The following PER3 variants were observed in gnomAD, a reference collection of about 807,000 sequenced individuals.
The protein encoded by PER3 is period circadian protein homolog 3.
In PER3, 107 loss-of-function variants were observed where a neutral mutation model predicts 127.2. That is an observed-to-expected ratio of 0.84 (90% CI 0.72 to 0.99). The LOEUF (loss-of-function observed/expected upper bound fraction) is 0.99, where lower values mean the gene tolerates loss of function less well. Ranked by LOEUF, PER3 falls within the 50% of genes least tolerant of loss-of-function variation. The probability of loss-of-function intolerance (pLI) is 0.00; values close to 1 mark genes in which losing one functional copy is unlikely to be tolerated. For synonymous variants in PER3, 618 were observed against 585.8 expected (o/e 1.05, Z -0.79); for missense variants, 1,560 against 1,525.8 (o/e 1.02, Z -0.37).
At chr1:7,810,195 T>G in intron 12 of PER3, 174 bp downstream of exon 12, 1 of 692,428 alleles carries the variant, frequency 1.4e-6, no homozygotes, top group Middle Eastern at 3.4e-4. Flanking sequence ...AATATCACCT[T>G]TGGAAAGTGA....
rs539413082 is a variant in PER3, at chr1:7,824,117, A to G, written c.1958-2363A>G. The stretch of plus-strand genomic sequence containing the variant: ...TATAGCATACTAAAATGTATGGGAT[A>G]CAGCTAAAAACGGGGCTTGTAAGAA... On this transcript the variant is annotated intron_variant, in intron 16 of 21. Coordinates refer to ENST00000377532, the MANE Select transcript of PER3 (RefSeq NM_001377275.1). Among the ~76,000 whole-genome samples, 36 of 152,384 alleles carry G rather than the reference A, an allele frequency of 2.4e-4. 1 individual carries two copies. The South Asian group carries it at 7.0e-3, about 30-fold the overall frequency.
intron 3 of PER3, among the ~76,000 whole-genome samples, chr1:7,786,441 T>TC (rs980917692): frequency 4.6e-5 from 7 of 151,912 alleles, no homozygotes; most frequent in South Asian, 2.1e-4. Flanking sequence ...CTGTTTCTGC[T>TC]CCCCCCGCAA....
At chr1:7,828,146 A>G (rs1309746272) in intron 18 of PER3, among the ~76,000 whole-genome samples, 5 of 152,254 alleles carry the variant, frequency 3.3e-5, no homozygotes, top group African/African-American at 1.2e-4. Flanking sequence ...TTCATTGCCT[A>G]TAACACGTAT....
chr1:7,817,980 C>A (rs770382058), intron 13 of PER3, among the ~76,000 whole-genome samples: 2 of 152,132 alleles, frequency 1.3e-5, no homozygotes, highest in African/African-American at 4.8e-5. Flanking sequence ...ACATCATGTA[C>A]CCTGGGATGA....
chr1:7,805,592 C>T (rs2150753121), intron 10 of PER3, among the ~76,000 whole-genome samples: 2 of 152,278 alleles, frequency 1.3e-5, no homozygotes, highest in African/African-American at 2.4e-5. Flanking sequence ...AAGTAATTAC[C>T]ATTGGTATTG....
At position 7,803,115 on chromosome 1, in the gene PER3, C is replaced by G. The variant is rs753111957; in HGVS notation, c.941C>G (p.Pro314Arg). 48 of 1,613,404 alleles carry G rather than the reference C, an allele frequency of 3.0e-5. No individual in the cohort carries two copies. Among genetic ancestry groups the G allele is most frequent in the Non-Finnish European group, 3.9e-5 (46 of 1,179,340 alleles). The change falls in exon 9 of 22, where the codon CCT (proline) becomes CGT (arginine). Residue 314 changes from proline (P) to arginine (R), a missense_variant. By Grantham distance (103) the Pro-to-Arg change is moderately radical (BLOSUM62 -2). This residue lies in a region of PER3 where 1,332 missense variants were observed against 1,223.6 expected (regional missense o/e 1.09). Coordinates refer to ENST00000377532, the MANE Select transcript of PER3 (RefSeq NM_001377275.1). ...IGTSILSYLH[P>R]EDRSLMVAIH... ...ACATCGATCCTAAGCTACCTGCACCCTGAAGATCGTTCTCTGATGGTTGCC... is the reference window on the plus strand; with the variant it reads ...ACATCGATCCTAAGCTACCTGCACCGTGAAGATCGTTCTCTGATGGTTGCC...
At position 7,784,795 on chromosome 1, in the gene PER3, G is replaced by A; in HGVS notation, c.-83G>A. On this transcript the variant is annotated 5_prime_UTR_variant, in exon 2 of 22. The change creates a new upstream start codon in the 5' untranslated region. Transcript: ENST00000377532. Reference sequence around the variant, plus strand: ...TGGCGGGGACCGGAGTGAGAAACCGGTGTCTGTCACTGACTGCAAAGTGAG... The same window carrying A: ...TGGCGGGGACCGGAGTGAGAAACCGATGTCTGTCACTGACTGCAAAGTGAG... 7.5e-7 allele frequency: 1 copy of A among 1,339,354 alleles called. No homozygotes were observed. 83.0% of individuals were successfully genotyped at this position (1,339,354 alleles called of 1,614,324 possible).
chr1:7,806,965 T>A (rs916547743), intron 10 of PER3, among the ~76,000 whole-genome samples: 1 of 151,814 alleles, frequency 6.6e-6, no homozygotes, highest in African/African-American at 2.4e-5. Context: ...CAAATACCTC[T>A]GAAAGGTTTT....
intron 21 of PER3, among the ~76,000 whole-genome samples, chr1:7,841,347 A>G (rs1259613793): frequency 6.6e-6 from 1 of 151,056 alleles, no homozygotes; most frequent in Non-Finnish European, 1.5e-5. Context: ...GTAATTCTGG[A>G]AACCAGATTC....
intron 19 of PER3, among the ~76,000 whole-genome samples, chr1:7,835,303 A>T (rs2097352861): frequency 6.6e-6 from 1 of 152,192 alleles, no homozygotes; most frequent in South Asian, 2.1e-4. Flanking sequence ...CAAAGTCAAT[A>T]ATTGGCTTTA....
intron 5 of PER3, among the ~76,000 whole-genome samples, chr1:7,793,509 A>C (rs576770409): frequency 5.9e-5 from 9 of 152,320 alleles, no homozygotes; most frequent in African/African-American, 1.9e-4. Context: ...ATCCAAAGAA[A>C]GAGCTTAAAG....
intron 21 of PER3, among the ~76,000 whole-genome samples, chr1:7,839,388 GACT>G (rs1201563297): frequency 2.0e-5 from 3 of 152,168 alleles, no homozygotes; most frequent in African/African-American, 4.8e-5. Flanking sequence ...GGATTTTATA[GACT>G]ACTAGTTTTC....
At chr1:7,787,506 T>C (rs1181513976) in intron 4 of PER3, 5 of 425,600 alleles carry the variant, frequency 1.2e-5, no homozygotes, top group African/African-American at 2.1e-5. Context: ...TTTTTAAAAA[T>C]AGCTTAAGAA....
In PER3 at chr1:7,827,500, C is replaced by T. The variant is rs768412726; in HGVS notation, c.2571C>T (p.Thr857=). Residue 857 remains threonine, a synonymous_variant, in exon 18 of 22, where the codon ACC becomes ACT. Transcript: ENST00000377532. The part of the protein sequence containing the change: ...FPFPYLDTFM[T]VFLPDPPVCP... ...TTCCTTACTTGGATACTTTTATGAC[C>T]GTTTTCCTGCCTGACCCCCCTGTCT... The T allele has an allele frequency of 3.1e-6, 5 of 1,614,196 alleles. No individual in the cohort carries two copies. Among genetic ancestry groups the T allele is most frequent in the South Asian group, 2.2e-5 (2 of 91,080 alleles).
chr1:7,820,358 G>A lies in PER3; in HGVS notation c.1784-109G>A, dbSNP rs144723135. The A allele has an allele frequency of 3.8e-4, 535 of 1,396,276 alleles. 6 individuals are homozygous for A. The Admixed American group carries it at 0.011, about 29-fold the overall frequency. The allele number at this position is 1,396,276 out of a possible 1,614,324, so 86.5% of individuals were successfully genotyped here. A position where few individuals can be genotyped will look rare whatever the true frequency, so the allele number is the denominator to read the frequency against. On this transcript the variant is annotated intron_variant, in intron 15 of 21. Transcript: ENST00000377532. The stretch of plus-strand genomic sequence containing the variant: ...TTCTGGTTTCATATTACCTCTTTAT[G>A]ACAGTAAGGTTTAATTTCTCAGTTA...
rs1044119028 is a variant in PER3 at position 7,798,622 on chromosome 1, T to A, written c.742T>A (p.Ser248Thr). Residue 248 changes from serine (S) to threonine (T), a missense_variant, in exon 7 of 22, where the codon TCG becomes ACG. This residue lies in a region of PER3 where 1,332 missense variants were observed against 1,223.6 expected (regional missense o/e 1.09). Transcript: ENST00000377532. The stretch of plus-strand genomic sequence containing the variant: ...TCACCCTGCCCAGCCAGAATTGGAA[T>A]CGGAACCTTGCTGTCTCACTGTGGT... ...VHHPAQPELESEPCCLTVVEK... is the reference protein window; with the variant it reads ...VHHPAQPELETEPCCLTVVEK... 1.1e-5 allele frequency: 18 copies of A among 1,613,790 alleles called. No homozygotes were observed. Among genetic ancestry groups the A allele is most frequent in the Admixed American group, 1.7e-5 (1 of 60,010 alleles).
chr1:7,795,320 C>T (rs976532307), intron 6 of PER3, among the ~76,000 whole-genome samples: 1 of 152,202 alleles, frequency 6.6e-6, no homozygotes, highest in Non-Finnish European at 1.5e-5. Context: ...ACCTTAAATT[C>T]TGTGAGGAGG....
chr1:7,800,631 A>G (rs1170111414), intron 7 of PER3, among the ~76,000 whole-genome samples: 1 of 152,192 alleles, frequency 6.6e-6, no homozygotes, highest in African/African-American at 2.4e-5. Flanking sequence ...ACTAAATCTG[A>G]TTAAACTTTT....
intron 6 of PER3, among the ~76,000 whole-genome samples, chr1:7,795,736 A>T (rs2097142509): frequency 6.6e-6 from 1 of 152,234 alleles, no homozygotes; most frequent in Non-Finnish European, 1.5e-5. Flanking sequence ...ATTTCAGTTT[A>T]TCACTTGCTT....
Sources: gnomAD v4.1 joint callset for allele counts (sites outside exome capture counted in the v4.1 genomes callset) on GRCh38, gnomAD v4.1.1 for gene constraint, gnomAD v4.1.1 regional missense constraint, MANE v1.5 for transcripts, NCBI Gene and HGNC (gene_info 2026-07-23, HGNC 2026-07-21) for gene names.